Variants in DNAJB13 observed in about 807,000 individuals in gnomAD.
DNAJB13 encodes the protein DnaJ heat shock protein family (Hsp40) member B13, also known as dnaJ homolog subfamily B member 13.
Under a neutral mutation model 35.6 loss-of-function variants are expected in DNAJB13, and 22 were observed. That is an observed-to-expected ratio of 0.62 (90% CI 0.44 to 0.88). The LOEUF (loss-of-function observed/expected upper bound fraction) is 0.88. Ranked by LOEUF, DNAJB13 falls within the 40% of genes least tolerant of loss-of-function variation. The pLI is 0.00. For missense variants in DNAJB13, 370 were observed against 384.3 expected (o/e 0.96, Z 0.31); for synonymous variants, 136 against 144.2 (o/e 0.94, Z 0.41).
At chr11:73,962,088 A>C (rs1591190240) in intron 3 of DNAJB13, among the ~76,000 whole-genome samples, 1 of 152,264 alleles carries the variant, frequency 6.6e-6, no homozygotes, top group Non-Finnish European at 1.5e-5. Context: ...CCACCATGCC[A>C]GGTCTAATTT....
At chr11:73,968,550 C>T (rs1339264568) in intron 6 of DNAJB13, 92 bp downstream of exon 6, 2 of 1,017,262 alleles carry the variant, frequency 2.0e-6, no homozygotes, top group Admixed American at 2.2e-5. Flanking sequence ...CCACAACCAC[C>T]TGCCATCAGT....
chr11:73,957,469 C>G (rs567656671), intron 1 of DNAJB13, among the ~76,000 whole-genome samples: 6 of 152,336 alleles, frequency 3.9e-5, no homozygotes, highest in East Asian at 1.9e-4. Flanking sequence ...ATCTCTCCCC[C>G]ACCCCGGGTC....
intron 2 of DNAJB13, 62 bp from the exon 3 acceptor site, chr11:73,959,431 AG>A: frequency 1.3e-6 from 2 of 1,560,170 alleles, no homozygotes; most frequent in Non-Finnish European, 1.7e-6. Flanking sequence ...CCTGCTTCCC[AG>A]CCCCTCCACC....
intron 1 of DNAJB13, among the ~76,000 whole-genome samples, chr11:73,952,051 G>A (rs1306117488): frequency 6.6e-6 from 1 of 152,182 alleles, no homozygotes; most frequent in East Asian, 1.9e-4. Flanking sequence ...ATAAATGTCG[G>A]AATCCGACAT....
At chr11:73,962,273 T>C (rs1950951181) in intron 3 of DNAJB13, among the ~76,000 whole-genome samples, 1 of 152,130 alleles carries the variant, frequency 6.6e-6, no homozygotes. Context: ...CCAGGTCTGA[T>C]TGATCTCAGC....
At chr11:73,961,701 G>A (rs898312155) in intron 3 of DNAJB13, among the ~76,000 whole-genome samples, 22 of 152,250 alleles carry the variant, frequency 1.4e-4, no homozygotes, top group African/African-American at 5.3e-4. Flanking sequence ...TCTGGGGGAT[G>A]TTCCTTTTGG....
At chr11:73,964,662 T>C (rs1951030222) in intron 3 of DNAJB13, 3 of 574,662 alleles carry the variant, frequency 5.2e-6, no homozygotes, top group Admixed American at 3.1e-5. Flanking sequence ...GCATCTGCAG[T>C]TGAAGACAGC....
chr11:73,961,388 C>G (rs1272012892), intron 3 of DNAJB13, among the ~76,000 whole-genome samples: 2 of 152,138 alleles, frequency 1.3e-5, no homozygotes, highest in Admixed American at 1.3e-4. Context: ...CTAAACTGGC[C>G]CACAAGGAGA....
intron 2 of DNAJB13, among the ~76,000 whole-genome samples, chr11:73,958,998 G>T (rs1441843686): frequency 6.6e-6 from 1 of 152,236 alleles, no homozygotes; most frequent in Non-Finnish European, 1.5e-5. Flanking sequence ...CCTGGTTCCT[G>T]CGGAAGTGCA....
intron 1 of DNAJB13, among the ~76,000 whole-genome samples, chr11:73,951,739 T>G (rs544143683): frequency 1.0e-3 from 152 of 152,262 alleles, no homozygotes; most frequent in Admixed American, 6.2e-3. Flanking sequence ...CTCCACCTCC[T>G]GGGTTCAAGC....
At chr11:73,958,104 AG>A (rs778960373) in intron 1 of DNAJB13, among the ~76,000 whole-genome samples, 85 of 152,188 alleles carry the variant, frequency 5.6e-4, no homozygotes, top group Non-Finnish European at 8.7e-4. Context: ...TCAGATGCCC[AG>A]GGGGGCAGCT....
chr11:73,957,621 A>G (rs625098), intron 1 of DNAJB13, among the ~76,000 whole-genome samples: 16,179 of 152,140 alleles, frequency 0.11, 1,572 homozygotes, highest in African/African-American at 0.26. Context: ...AGCCGTCTTC[A>G]GCAGAGATTT....
chr11:73,959,496 A>G lies in DNAJB13; in HGVS notation c.175A>G (p.Met59Val), dbSNP rs1468720343. 2.5e-6 allele frequency: 4 copies of G among 1,613,220 alleles called. No homozygotes were observed. The highest frequency in any genetic ancestry group is 2.5e-6 in the Non-Finnish European group (3 of 1,179,478). Reference protein sequence around the residue: ...AEAYDVLSDPMKRGIYDKFGE... With the variant: ...AEAYDVLSDPVKRGIYDKFGE... The stretch of plus-strand genomic sequence containing the variant: ...CTTAAGGTGATGCCCATCCACAGCC[A>G]TGAAGAGAGGCATCTACGACAAGTT... Residue 59 changes from methionine (M) to valine (V), a missense_variant and splice_region_variant, in exon 3 of 8, where the codon ATG (methionine) becomes GTG (valine). Coordinates refer to ENST00000339764, the MANE Select transcript of DNAJB13 (RefSeq NM_153614.4).
intron 2 of DNAJB13, 149 bp from the exon 3 acceptor site, chr11:73,959,345 T>C: frequency 1.3e-6 from 1 of 776,658 alleles, no homozygotes; most frequent in South Asian, 2.3e-5. Flanking sequence ...ACTCCTAGGG[T>C]CTCATTCCAA....
intron 1 of DNAJB13, among the ~76,000 whole-genome samples, chr11:73,956,609 C>G (rs1159923765): frequency 6.6e-6 from 1 of 152,004 alleles, no homozygotes; most frequent in African/African-American, 2.4e-5. Flanking sequence ...TCAAGACCAG[C>G]CTGGCCAACA....
At chr11:73,954,150 C>A (rs1261790748) in intron 1 of DNAJB13, among the ~76,000 whole-genome samples, 1 of 150,078 alleles carries the variant, frequency 6.7e-6, no homozygotes, top group Non-Finnish European at 1.5e-5. Flanking sequence ...CTTGGTGAAA[C>A]CACTTCTCTA....
chr11:73,964,804 T>C lies in DNAJB13; in HGVS notation c.335-74T>C, dbSNP rs866705790. ...GTGTGTGTGTGTGTGTGTGTGTGTGTGTGTGTGTGCGCGCGCGCGCATGTC... is the reference window on the plus strand; with the variant it reads ...GTGTGTGTGTGTGTGTGTGTGTGTGCGTGTGTGTGCGCGCGCGCGCATGTC... On this transcript the variant is annotated intron_variant, in intron 3 of 7. Coordinates refer to ENST00000339764, the MANE Select transcript of DNAJB13 (RefSeq NM_153614.4). 22,657 of 733,678 alleles carry C rather than the reference T, an allele frequency of 0.031. 996 individuals carry two copies. Among genetic ancestry groups the C allele is most frequent in the African/African-American group, 0.14 (5,804 of 42,086 alleles). The allele number at this position is 733,678 out of a possible 1,614,324, so 45.4% of individuals were successfully genotyped here. A position where few individuals can be genotyped will look rare whatever the true frequency, so the allele number is the denominator to read the frequency against.
intron 5 of DNAJB13, chr11:73,967,817 G>C (rs1951161765): frequency 5.8e-6 from 1 of 172,420 alleles, no homozygotes; most frequent in African/African-American, 2.4e-5. Flanking sequence ...CCCAGCTCCA[G>C]TGTTCCCCGC....
intron 1 of DNAJB13, among the ~76,000 whole-genome samples, chr11:73,954,643 A>AAATAAATAAATAAAT (rs1554989417): frequency 7.6e-6 from 1 of 132,172 alleles, no homozygotes; most frequent in African/African-American, 2.7e-5. Context: ...AAAAAAAAAT[A>AAATAAATAAATAAAT]AAATAAATAA....
Sources: gnomAD v4.1 joint callset for allele counts (sites outside exome capture counted in the v4.1 genomes callset) on GRCh38, gnomAD v4.1.1 for gene constraint, MANE v1.5 for transcripts, NCBI Gene and HGNC (gene_info 2026-07-23, HGNC 2026-07-21) for gene names.